EXOC4: variants seen among roughly 807,000 people sequenced by gnomAD.
EXOC4 encodes the protein exocyst complex component 4, also known as SEC8-like 1.
Under a neutral mutation model 107.2 loss-of-function variants are expected in EXOC4, and 71 were observed. The ratio of observed to expected loss-of-function variants is 0.66; its 90% CI spans 0.55 to 0.81. The LOEUF is 0.81. Ranked by LOEUF, EXOC4 falls within the 30% of genes least tolerant of loss-of-function variation. The probability of loss-of-function intolerance (pLI) is 0.00; values close to 1 mark genes in which losing one functional copy is unlikely to be tolerated. For missense variants in EXOC4, 1,108 were observed against 1,189.6 expected (o/e 0.93, Z 1.01); for synonymous variants, 456 against 441.2 (o/e 1.03, Z -0.42).
At chr7:133,316,272 C>CCTT (rs1391742230) in intron 4 of EXOC4, among the ~76,000 whole-genome samples, 8 of 152,250 alleles carry the variant, frequency 5.3e-5, no homozygotes, top group Admixed American at 5.2e-4. Context: ...ACACATCCTT[C>CCTT]CTTCCTTCCT....
chr7:133,991,273 G>T (rs1211605624), intron 14 of EXOC4, among the ~76,000 whole-genome samples: 3 of 151,072 alleles, frequency 2.0e-5, no homozygotes, highest in Non-Finnish European at 3.0e-5. Context: ...ATTATTTGTT[G>T]TTTTTTTTGT....
Position 133,694,516 on chromosome 7 carries a change from T to C in EXOC4, c.1514+64375T>C, listed in dbSNP as rs1311709414. 2.0e-5 allele frequency among the ~76,000 whole-genome samples: 3 copies of C among 152,248 alleles called. No individual in the cohort carries two copies. The East Asian group carries it at 5.8e-4, about 29-fold the overall frequency. On this transcript the variant is annotated intron_variant, in intron 10 of 17. Coordinates refer to ENST00000253861, the MANE Select transcript of EXOC4 (RefSeq NM_021807.4). ...AGTTGTTTATCATACTGAAATTGTCTACCTTTGGTCTAACAGTATGTGTAA... is the reference window on the plus strand; with the variant it reads ...AGTTGTTTATCATACTGAAATTGTCCACCTTTGGTCTAACAGTATGTGTAA...
chr7:133,460,630 A>C (rs2150823806), intron 7 of EXOC4, among the ~76,000 whole-genome samples: 1 of 152,204 alleles, frequency 6.6e-6, no homozygotes, highest in East Asian at 1.9e-4. Flanking sequence ...CTTTTTGTTT[A>C]ACCAAGCTGT....
intron 1 of EXOC4, among the ~76,000 whole-genome samples, chr7:133,259,519 C>G (rs1357033835): frequency 6.6e-6 from 1 of 151,996 alleles, no homozygotes; most frequent in East Asian, 1.9e-4. Flanking sequence ...GAGCCACCGT[C>G]CCCGGCCCAC....
At chr7:133,404,366 G>A (rs532565605) in intron 7 of EXOC4, among the ~76,000 whole-genome samples, 1 of 152,262 alleles carries the variant, frequency 6.6e-6, no homozygotes, top group African/African-American at 2.4e-5. Flanking sequence ...GCCTCCCAAA[G>A]TGCTGGGATT....
intron 9 of EXOC4, among the ~76,000 whole-genome samples, chr7:133,602,275 G>A (rs538286525): frequency 5.7e-4 from 87 of 152,340 alleles, no homozygotes; most frequent in Admixed American, 1.3e-3. Flanking sequence ...GGTAGTTCTT[G>A]TACTGGCAAT....
At chr7:133,978,211 A>G (rs1793889151) in intron 14 of EXOC4, among the ~76,000 whole-genome samples, 1 of 152,208 alleles carries the variant, frequency 6.6e-6, no homozygotes, top group Non-Finnish European at 1.5e-5. Flanking sequence ...TAATCTACAC[A>G]TGTGGTAGAG....
At chr7:133,804,669 A>G (rs972899438) in intron 10 of EXOC4, among the ~76,000 whole-genome samples, 1 of 152,186 alleles carries the variant, frequency 6.6e-6, no homozygotes, top group African/African-American at 2.4e-5. Context: ...CATATGAAAT[A>G]CTTCCAGTCT....
chr7:133,983,716 A>G (rs1340135990), intron 14 of EXOC4, among the ~76,000 whole-genome samples: 1 of 70,320 alleles, frequency 1.4e-5, no homozygotes, highest in Non-Finnish European at 2.6e-5. Context: ...TGTGTCCCTT[A>G]TTCATCCAAA....
Position 133,826,382 on chromosome 7 carries a change from G to A in EXOC4, c.1734+8838G>A, listed in dbSNP as rs77048301. Among the ~76,000 whole-genome samples, 595 of 152,260 alleles carry A rather than the reference G, an allele frequency of 3.9e-3. 22 individuals carry two copies. In the East Asian group the frequency reaches 0.095, roughly 24 times the overall value. On this transcript the variant is annotated intron_variant, in intron 11 of 17. Coordinates refer to ENST00000253861, the MANE Select transcript of EXOC4 (RefSeq NM_021807.4). ...TACTGCTACATTTCATCATGGTGAGGTGGGAAATGCATATAAAACATAGAT... is the reference window on the plus strand; with the variant it reads ...TACTGCTACATTTCATCATGGTGAGATGGGAAATGCATATAAAACATAGAT...
intron 10 of EXOC4, among the ~76,000 whole-genome samples, chr7:133,697,616 G>A (rs541324516): frequency 6.6e-6 from 1 of 152,310 alleles, no homozygotes; most frequent in South Asian, 2.1e-4. Context: ...TTGGCCATAG[G>A]TATGGGGACC....
intron 10 of EXOC4, among the ~76,000 whole-genome samples, chr7:133,755,244 A>ATATATATAT (rs1184160765): frequency 4.9e-5 from 4 of 82,316 alleles, no homozygotes; most frequent in Non-Finnish European, 9.3e-5. Flanking sequence ...AATATATATA[A>ATATATATAT]TATATATATT....
chr7:133,562,400 C>G (rs899064876), intron 9 of EXOC4, among the ~76,000 whole-genome samples: 6 of 152,154 alleles, frequency 3.9e-5, no homozygotes, highest in African/African-American at 1.4e-4. Flanking sequence ...CTAGGTTCCC[C>G]GGCTTGCCTG....
At position 133,791,484 on chromosome 7, in the gene EXOC4, A is replaced by G. The variant is rs555419031; in HGVS notation, c.1515-25841A>G. ...ATTTGTTGGTTGGATGGTTGAACAA[A>G]TGAGTGGAAGAAGAACTATTCAGAA... On this transcript the variant is annotated intron_variant, in intron 10 of 17. Transcript: ENST00000253861. 7.9e-5 allele frequency among the ~76,000 whole-genome samples: 12 copies of G among 152,330 alleles called. No homozygotes were observed. In the South Asian group the frequency reaches 2.5e-3, roughly 32 times the overall value.
At chr7:133,992,808 A>G (rs567863723) in intron 14 of EXOC4, among the ~76,000 whole-genome samples, 1 of 150,738 alleles carries the variant, frequency 6.6e-6, no homozygotes, top group Admixed American at 6.6e-5. Context: ...AAGTGGTGAA[A>G]GTGGGCATCC....
At chr7:133,394,419 T>C (rs1796924759) in intron 7 of EXOC4, among the ~76,000 whole-genome samples, 1 of 152,230 alleles carries the variant, frequency 6.6e-6, no homozygotes, top group East Asian at 1.9e-4. Context: ...TTACCTTCTT[T>C]AAGTGTTAAG....
At chr7:133,843,329 C>T (rs948455671) in intron 11 of EXOC4, among the ~76,000 whole-genome samples, 2 of 152,056 alleles carry the variant, frequency 1.3e-5, no homozygotes, top group African/African-American at 2.4e-5. Context: ...TTTGTTATGT[C>T]ATCTCTGATT....
At chr7:133,685,758 G>A (rs142347412) in intron 10 of EXOC4, among the ~76,000 whole-genome samples, 46 of 152,204 alleles carry the variant, frequency 3.0e-4, no homozygotes, top group African/African-American at 1.1e-3. Flanking sequence ...TAAATTTAAG[G>A]TGTACAAGTG....
At chr7:133,712,167 C>T (rs976485986) in intron 10 of EXOC4, among the ~76,000 whole-genome samples, 2 of 152,110 alleles carry the variant, frequency 1.3e-5, no homozygotes, top group Admixed American at 1.3e-4. Context: ...TGGCCGGACG[C>T]AGTGGCTCAC....
Sources: allele counts gnomAD v4.1 joint callset (sites outside exome capture counted in the v4.1 genomes callset), GRCh38; gene constraint gnomAD v4.1.1; transcripts MANE v1.5; gene names NCBI Gene and HGNC (gene_info 2026-07-23, HGNC 2026-07-21).